The following ZNF695 variants were observed in gnomAD, a reference collection of about 807,000 sequenced individuals.
The protein encoded by ZNF695 is zinc finger protein SBZF3.
A neutral mutation model predicts 11.2 loss-of-function variants in ZNF695; 11 were observed. That is an observed-to-expected ratio of 0.98 (90% CI 0.62 to 1.62). ZNF695 has a LOEUF of 1.62. Ranked by LOEUF, ZNF695 falls within the 40% of genes most tolerant of loss-of-function variation. The pLI is 0.00. For missense variants in ZNF695, 559 were observed against 590.5 expected (o/e 0.95, Z 0.55); for synonymous variants, 190 against 201.4 (o/e 0.94, Z 0.48).
At chr1:246,966,684 G>A (rs1273795907) in intron 5 of ZNF695, 1 of 435,226 alleles carries the variant, frequency 2.3e-6, no homozygotes, top group Non-Finnish European at 4.6e-6. Flanking sequence ...TACCCAAGAG[G>A]CTAAGGTGAG....
chr1:246,992,693 T>C (rs1032967484), intron 3 of ZNF695, among the ~76,000 whole-genome samples: 1 of 152,198 alleles, frequency 6.6e-6, no homozygotes, highest in African/African-American at 2.4e-5. Flanking sequence ...ACAAATTTTT[T>C]TAAATTTTTT....
At chr1:246,978,799 C>G (rs914255639) in intron 4 of ZNF695, among the ~76,000 whole-genome samples, 1 of 152,176 alleles carries the variant, frequency 6.6e-6, no homozygotes, top group Admixed American at 6.5e-5. Context: ...ACTCAGCAGT[C>G]TGGTCTGCTT....
chr1:246,979,187 A>AAACACTGAGATCCACAAGGGGAGAT (rs1374218165), intron 4 of ZNF695, among the ~76,000 whole-genome samples: 47 of 152,188 alleles, frequency 3.1e-4, no homozygotes, highest in African/African-American at 1.1e-3. Flanking sequence ...CACCTGGAGG[A>AAACACTGAGATCCACAAGGGGAGAT]AACACTGAGA....
Position 247,008,055 on chromosome 1 carries a change from A to C in ZNF695, c.-147T>G. On this transcript the variant is annotated 5_prime_UTR_variant, in exon 1 of 4. Coordinates refer to ENST00000339986, the MANE Select transcript of ZNF695 (RefSeq NM_020394.5). ...GCACCCCGCCGGCCGCAAGGAGACAAAGGCCCCGCCAGATCCCCAAGGCCG... is the reference window on the plus strand; with the variant it reads ...GCACCCCGCCGGCCGCAAGGAGACACAGGCCCCGCCAGATCCCCAAGGCCG... The C allele has an allele frequency of 1.2e-6, 1 of 840,016 alleles. No individual in the cohort carries two copies. The highest frequency in any genetic ancestry group is 1.7e-6 in the Non-Finnish European group (1 of 605,096). The allele number at this position is 840,016 out of a possible 1,614,324, so 52.0% of individuals were successfully genotyped here. A position where few individuals can be genotyped will look rare whatever the true frequency, so the allele number is the denominator to read the frequency against.
intron 4 of ZNF695, among the ~76,000 whole-genome samples, chr1:246,977,411 C>T (rs1668597364): frequency 6.6e-6 from 1 of 152,192 alleles, no homozygotes; most frequent in African/African-American, 2.4e-5. Context: ...TGCCCGCCAC[C>T]ATACCTGGCT....
At chr1:247,001,687 T>TGGGCAACA (rs1669388450) in intron 1 of ZNF695, among the ~76,000 whole-genome samples, 1 of 120,670 alleles carries the variant, frequency 8.3e-6, no homozygotes, top group South Asian at 2.6e-4. Context: ...CACTCCAGCC[T>TGGGCAACA]GGGCAACAGA....
intron 3 of ZNF695, among the ~76,000 whole-genome samples, chr1:246,992,544 AAG>A (rs1418837055): frequency 2.0e-5 from 3 of 152,192 alleles, no homozygotes; most frequent in Non-Finnish European, 4.4e-5. Flanking sequence ...TTTTAAAATA[AAG>A]AGTATAATTT....
chr1:247,002,043 A>C (rs1448424603), intron 1 of ZNF695, among the ~76,000 whole-genome samples: 3 of 152,100 alleles, frequency 2.0e-5, no homozygotes, highest in Admixed American at 6.6e-5. Context: ...CATTCTTCTC[A>C]CCTGCACATG....
chr1:247,005,663 TCAAAA>T (rs968109711), intron 1 of ZNF695, among the ~76,000 whole-genome samples: 3 of 151,098 alleles, frequency 2.0e-5, no homozygotes, highest in Non-Finnish European at 2.9e-5. Flanking sequence ...TGAGACTGTC[TCAAAA>T]CAAAACAAAA....
intron 4 of ZNF695, among the ~76,000 whole-genome samples, chr1:246,971,350 C>T (rs1473814870): frequency 2.0e-5 from 3 of 152,204 alleles, no homozygotes; most frequent in Non-Finnish European, 4.4e-5. Context: ...GGAGTGTGAC[C>T]GCTGAAGCAC....
Position 246,985,548 on chromosome 1 carries a change from G to T in ZNF695, c.*1419C>A. 1 of 985,372 alleles carries T rather than the reference G, an allele frequency of 1.0e-6. No individual in the cohort carries two copies. The highest frequency in any genetic ancestry group is 1.2e-6 in the Non-Finnish European group (1 of 829,928). 61.0% of individuals were successfully genotyped at this position (985,372 alleles called of 1,614,324 possible). A position where few individuals can be genotyped will look rare whatever the true frequency, so the allele number is the denominator to read the frequency against. ...TACAACCGTAACTAAGGTGAGATAGGTTAACGTTGGTGGTAGGATACGCAT... is the reference window on the plus strand; with the variant it reads ...TACAACCGTAACTAAGGTGAGATAGTTTAACGTTGGTGGTAGGATACGCAT... On this transcript the variant is annotated 3_prime_UTR_variant, in exon 4 of 4. Transcript: ENST00000339986.
intron 1 of ZNF695, among the ~76,000 whole-genome samples, chr1:247,005,814 A>G (rs573071503): frequency 6.6e-6 from 1 of 152,368 alleles, no homozygotes; most frequent in Non-Finnish European, 1.5e-5. Context: ...AACAGAAAAC[A>G]TCAAGGAAAC....
intron 3 of ZNF695, among the ~76,000 whole-genome samples, chr1:246,994,402 G>A (rs1669132435): frequency 2.0e-5 from 3 of 152,054 alleles, no homozygotes; most frequent in South Asian, 2.1e-4. Context: ...TTAGCTGGGC[G>A]TGGTGGCACG....
In ZNF695 at chr1:246,998,239, C is replaced by T. The variant is rs574115812; in HGVS notation, c.259+1109G>A. Among the ~76,000 whole-genome samples, 6 of 152,122 alleles carry T rather than the reference C, an allele frequency of 3.9e-5. No individual in the cohort carries two copies. In the East Asian group the frequency reaches 1.2e-3, roughly 29 times the overall value. ...TGACACAGACCGATGAAGTTTCATA[C>T]TAAACAAGAGAAAATTATAAAATGA... On this transcript the variant is annotated intron_variant, in intron 3 of 3. Transcript: ENST00000339986.
intron 5 of ZNF695, among the ~76,000 whole-genome samples, chr1:246,958,100 C>T (rs1158493476): frequency 6.6e-6 from 1 of 151,598 alleles, no homozygotes; most frequent in East Asian, 1.9e-4. Flanking sequence ...GCTCTGTCGC[C>T]CAGGCTGGAG....
At position 246,958,892 on chromosome 1, in the gene ZNF695, C is replaced by T. The variant is rs575641147; in HGVS notation, c.488+8803G>A. Among the ~76,000 whole-genome samples, 16 of 152,126 alleles carry T rather than the reference C, an allele frequency of 1.1e-4. No individual in the cohort carries two copies. The South Asian group carries it at 1.7e-3, about 16-fold the overall frequency. On this transcript the variant is annotated intron_variant, in intron 5 of 5. Coordinates refer to the ZNF695 transcript ENST00000487338. ...GGTTTAAGAAAGCGAGTGCCACTCA[C>T]GGGGAAGAAGAAGTGTCTTGTAAAT...
rs1338195658 is a variant in ZNF695, at chr1:246,967,608, CCTTGTGTATTAATCCATT to C, written c.488+69_488+86del. 54 of 385,876 alleles carry C rather than the reference CCTTGTGTATTAATCCATT, an allele frequency of 1.4e-4. 1 individual carries two copies. The highest frequency in any genetic ancestry group is 1.0e-3 in the South Asian group (53 of 52,150). 23.9% of individuals were successfully genotyped at this position (385,876 alleles called of 1,614,324 possible). On this transcript the variant is annotated intron_variant, in intron 5 of 5. Coordinates refer to the ZNF695 transcript ENST00000487338. ...GGGAAGATCAGGAGTTTTGACCTGG[CCTTGTGTATTAATCCATT>C]CTTGCATTGCTATAAAGAACCACCT...
intron 2 of ZNF695, 88 bp from the exon 3 acceptor site, chr1:246,999,528 A>G (rs923194032): frequency 2.0e-6 from 2 of 997,632 alleles, no homozygotes; most frequent in African/African-American, 3.3e-5. Flanking sequence ...AAAACATCAC[A>G]TTAGATCCTA....
intron 1 of ZNF695, among the ~76,000 whole-genome samples, chr1:247,003,745 T>C (rs967833179): frequency 6.6e-6 from 1 of 152,244 alleles, no homozygotes; most frequent in African/African-American, 2.4e-5. Flanking sequence ...TGCTAAGACA[T>C]TTAGTTACTA....
Sources: allele counts gnomAD v4.1 joint callset (sites outside exome capture counted in the v4.1 genomes callset), GRCh38; gene constraint gnomAD v4.1.1; transcripts MANE v1.5; gene names NCBI Gene and HGNC (gene_info 2026-07-23, HGNC 2026-07-21).